The following HNF4G variants were observed in gnomAD, a reference collection of about 807,000 sequenced individuals.
The protein encoded by HNF4G is hepatocyte nuclear factor 4-gamma.
Under a neutral mutation model 50.9 loss-of-function variants are expected in HNF4G, and 21 were observed. That is an observed-to-expected ratio of 0.41 (90% CI 0.29 to 0.59). The LOEUF is 0.59. HNF4G is among the 20% of genes least tolerant of loss of function. HNF4G has a pLI of 0.26. For missense variants in HNF4G, 527 were observed against 559.4 expected (o/e 0.94, Z 0.58); for synonymous variants, 198 against 185.6 (o/e 1.07, Z -0.54).
In HNF4G at chr8:75,566,369, A is replaced by G. The variant is rs1807462326; in HGVS notation, c.*2273A>G. The G allele has an allele frequency of 6.6e-6, 1 of 152,374 alleles. No homozygotes were observed. Among genetic ancestry groups the G allele is most frequent in the Non-Finnish European group, 1.5e-5 (1 of 68,022 alleles). The allele number at this position is 152,374 out of a possible 1,614,324, so 9.4% of individuals were successfully genotyped here. ...AATTTTGGAAAACACAAAAATTCAG[A>G]ACATAGCAAATACCTTTGAAGTATA... On this transcript the variant is annotated 3_prime_UTR_variant, in exon 10 of 10. Coordinates refer to ENST00000396423, the MANE Select transcript of HNF4G (RefSeq NM_004133.5).
At chr8:75,476,210 CTAAGT>C (rs1424834126) in intron 1 of HNF4G, among the ~76,000 whole-genome samples, 1 of 152,136 alleles carries the variant, frequency 6.6e-6, no homozygotes, top group African/African-American at 2.4e-5. Flanking sequence ...TTTTCTGTTT[CTAAGT>C]TATTTCACTT....
chr8:75,427,586 T>A (rs1047933623), intron 1 of HNF4G, among the ~76,000 whole-genome samples: 5 of 150,976 alleles, frequency 3.3e-5, no homozygotes, highest in Admixed American at 1.3e-4. Flanking sequence ...CAAAAAAAAA[T>A]AAAATAAATA....
At chr8:75,549,918 G>C (rs1806898544) in intron 3 of HNF4G, among the ~76,000 whole-genome samples, 1 of 151,968 alleles carries the variant, frequency 6.6e-6, no homozygotes, top group African/African-American at 2.4e-5. Flanking sequence ...TTTCATCCAT[G>C]TCCCTACAAA....
chr8:75,538,846 CG>C (rs1392343184), upstream of HNF4G, among the ~76,000 whole-genome samples: 1 of 152,040 alleles, frequency 6.6e-6, no homozygotes, highest in Admixed American at 6.6e-5. Flanking sequence ...CCAGCCTTCC[CG>C]GGTGAAAAGT....
chr8:75,522,777 A>G (rs567480455), intron 2 of HNF4G, among the ~76,000 whole-genome samples: 2 of 152,222 alleles, frequency 1.3e-5, no homozygotes, highest in African/African-American at 2.4e-5. Context: ...CTAATATGTT[A>G]CCTAAATTTT....
chr8:75,463,755 T>C (rs1485892885), intron 1 of HNF4G, among the ~76,000 whole-genome samples: 2 of 151,882 alleles, frequency 1.3e-5, no homozygotes, highest in African/African-American at 4.8e-5. Flanking sequence ...CCAACTATTC[T>C]TTTTGTGAAT....
At chr8:75,471,172 T>C (rs1234643902) in intron 1 of HNF4G, among the ~76,000 whole-genome samples, 2 of 152,210 alleles carry the variant, frequency 1.3e-5, no homozygotes, top group African/African-American at 4.8e-5. Context: ...GATATTAAAA[T>C]ACTGACTTTC....
intron 2 of HNF4G, among the ~76,000 whole-genome samples, chr8:75,529,077 G>A (rs1806255840): frequency 1.3e-5 from 2 of 151,946 alleles, no homozygotes; most frequent in South Asian, 4.1e-4. Context: ...AAGAGGTCAG[G>A]AGATCAAGAC....
chr8:75,533,616 A>G (rs927457461), intron 2 of HNF4G, among the ~76,000 whole-genome samples: 2 of 151,590 alleles, frequency 1.3e-5, no homozygotes, highest in Admixed American at 6.6e-5. Flanking sequence ...TTCTTGAACC[A>G]AAAAAAAGTT....
chr8:75,557,054 T>C (rs1309709401), intron 6 of HNF4G, among the ~76,000 whole-genome samples: 1 of 152,174 alleles, frequency 6.6e-6, no homozygotes, highest in African/African-American at 2.4e-5. Context: ...TTGTGGAGAC[T>C]ATGCCCTGAA....
At chr8:75,501,635 T>A (rs1276696525) in intron 2 of HNF4G, among the ~76,000 whole-genome samples, 2 of 152,112 alleles carry the variant, frequency 1.3e-5, no homozygotes, top group Non-Finnish European at 2.9e-5. Flanking sequence ...AAAAATTACA[T>A]CCCTTACCAA....
intron 1 of HNF4G, among the ~76,000 whole-genome samples, chr8:75,416,554 T>G (rs1056362065): frequency 6.6e-6 from 1 of 152,144 alleles, no homozygotes; most frequent in Non-Finnish European, 1.5e-5. Context: ...TAAAATGCTG[T>G]ACCCTTAAAA....
At chr8:75,511,612 G>C (rs927040291) in intron 2 of HNF4G, among the ~76,000 whole-genome samples, 12 of 152,138 alleles carry the variant, frequency 7.9e-5, no homozygotes, top group Non-Finnish European at 1.5e-4. Context: ...TTTTTTTTGA[G>C]ACGAAGTCTC....
intron 1 of HNF4G, among the ~76,000 whole-genome samples, chr8:75,460,582 T>A (rs1428312737): frequency 6.6e-6 from 1 of 152,178 alleles, no homozygotes; most frequent in East Asian, 1.9e-4. Context: ...ACTGTGGGGA[T>A]TTCCAATGAT....
chr8:75,425,707 C>T lies in HNF4G; in HGVS notation c.-144+17545C>T, dbSNP rs994406678. 5.9e-5 allele frequency among the ~76,000 whole-genome samples: 9 copies of T among 151,624 alleles called. No homozygotes were observed. The South Asian group carries it at 6.2e-4, about 11-fold the overall frequency. On this transcript the variant is annotated intron_variant, in intron 1 of 10. Coordinates refer to the HNF4G transcript ENST00000354370. ...CTCCTAACCAGGCAAAGATTAATTT[C>T]GCCTATTTTACTGTCTTGCTGTGTA...
intron 2 of HNF4G, among the ~76,000 whole-genome samples, chr8:75,515,885 C>G (rs1231493905): frequency 6.6e-6 from 1 of 152,088 alleles, no homozygotes; most frequent in African/African-American, 2.4e-5. Flanking sequence ...CCTGCCTCAG[C>G]CTCCCGAGTA....
At chr8:75,496,056 T>C (rs1161483674) in intron 2 of HNF4G, among the ~76,000 whole-genome samples, 1 of 152,088 alleles carries the variant, frequency 6.6e-6, no homozygotes, top group Non-Finnish European at 1.5e-5. Flanking sequence ...TGACAAAATA[T>C]CTATGGGAAA....
chr8:75,429,368 C>CT (rs369765326), intron 1 of HNF4G, among the ~76,000 whole-genome samples: 48 of 151,616 alleles, frequency 3.2e-4, no homozygotes, highest in Middle Eastern at 6.8e-3. Flanking sequence ...CTCTTTCTCT[C>CT]TTTTTTTTTC....
intron 2 of HNF4G, among the ~76,000 whole-genome samples, chr8:75,500,079 A>G (rs1364935646): frequency 1.3e-5 from 2 of 152,184 alleles, no homozygotes; most frequent in Admixed American, 6.5e-5. Flanking sequence ...AAGAAAGTGA[A>G]GAGACAATTC....
Sources: allele counts gnomAD v4.1 joint callset (sites outside exome capture counted in the v4.1 genomes callset), GRCh38; gene constraint gnomAD v4.1.1; transcripts MANE v1.5; gene names NCBI Gene and HGNC (gene_info 2026-07-23, HGNC 2026-07-21).